GALK2: variants seen among roughly 807,000 people sequenced by gnomAD.
GALK2 encodes the protein galactokinase 2, also known as N-acetylgalactosamine kinase.
A neutral mutation model predicts 52.4 loss-of-function variants in GALK2; 36 were observed. That is an observed-to-expected ratio of 0.69 (90% confidence interval 0.53 to 0.91). GALK2 has a LOEUF of 0.91. Among genes scored for constraint, GALK2 ranks in the 40% least tolerant of loss-of-function variants. The pLI is 0.00. For missense variants in GALK2, 579 were observed against 559.1 expected (o/e 1.04, Z -0.36); for synonymous variants, 176 against 199.1 (o/e 0.88, Z 0.98).
chr15:49,248,605 G>A (rs1246171625), intron 5 of GALK2, among the ~76,000 whole-genome samples: 1 of 152,208 alleles, frequency 6.6e-6, no homozygotes, highest in Non-Finnish European at 1.5e-5. Flanking sequence ...GGTTAATAAT[G>A]TAAATACAAA....
intron 7 of GALK2, among the ~76,000 whole-genome samples, chr15:49,285,276 G>C (rs1362182928): frequency 6.6e-6 from 1 of 151,926 alleles, no homozygotes; most frequent in Non-Finnish European, 1.5e-5. Context: ...CTCTTCCTTA[G>C]GTTTCCAGTA....
intron 5 of GALK2, among the ~76,000 whole-genome samples, chr15:49,257,508 T>C (rs548684135): frequency 6.6e-5 from 10 of 152,336 alleles, no homozygotes; most frequent in African/African-American, 2.4e-4. Flanking sequence ...TTATCCCTGA[T>C]TGTATTCTCC....
At chr15:49,211,754 T>C (rs527337539) in intron 2 of GALK2, among the ~76,000 whole-genome samples, 1 of 152,282 alleles carries the variant, frequency 6.6e-6, no homozygotes, top group Non-Finnish European at 1.5e-5. Context: ...AGTGCTATAC[T>C]CTTTTAAATG....
intron 3 of GALK2, chr15:49,223,219 G>A (rs1322993900): frequency 1.3e-5 from 2 of 151,958 alleles, no homozygotes; most frequent in Admixed American, 6.6e-5. Context: ...TATTTCCATG[G>A]TATCAGTTGT....
At chr15:49,288,463 G>C (rs2033609256) in intron 7 of GALK2, among the ~76,000 whole-genome samples, 2 of 152,162 alleles carry the variant, frequency 1.3e-5, no homozygotes, top group Admixed American at 1.3e-4. Flanking sequence ...TCATTTAGTA[G>C]TTGGTATGAA....
chr15:49,170,065 C>T, upstream of GALK2: 1 of 664,498 alleles, frequency 1.5e-6, no homozygotes, highest in Non-Finnish European at 2.3e-6. Context: ...AGGCCCTAGT[C>T]CCTCCCTGGG....
chr15:49,189,647 G>A (rs965641374), intron 1 of GALK2, among the ~76,000 whole-genome samples: 1 of 152,006 alleles, frequency 6.6e-6, no homozygotes, highest in Non-Finnish European at 1.5e-5. Flanking sequence ...ATGGTTACTT[G>A]AACACAAGCA....
In GALK2 at chr15:49,172,442, C is replaced by T. The variant is rs79891186; in HGVS notation, c.53+2067C>T. On this transcript the variant is annotated intron_variant, in intron 1 of 9. Coordinates refer to ENST00000560031, the MANE Select transcript of GALK2 (RefSeq NM_002044.4). ...TTTTATTTGCAGGAATGTTTTGCAGCCACTTACTCATTCTAGGAGGGATGT... is the reference window on the plus strand; with the variant it reads ...TTTTATTTGCAGGAATGTTTTGCAGTCACTTACTCATTCTAGGAGGGATGT... Among the ~76,000 whole-genome samples the T allele has an allele frequency of 2.0e-5, 3 of 152,130 alleles. 1 individual carries two copies. The highest frequency in any genetic ancestry group is 7.2e-5 in the African/African-American group (3 of 41,408).
intron 3 of GALK2, chr15:49,343,511 C>A (rs1469358824): frequency 6.6e-6 from 1 of 152,144 alleles, no homozygotes; most frequent in Non-Finnish European, 1.5e-5. Flanking sequence ...ACTGTATTTT[C>A]ACTTACATGA....
At chr15:49,320,589 T>C (rs923660026) in intron 9 of GALK2, among the ~76,000 whole-genome samples, 4 of 152,200 alleles carry the variant, frequency 2.6e-5, no homozygotes, top group Non-Finnish European at 5.9e-5. Flanking sequence ...AATGGAAATG[T>C]AATTAACCAC....
intron 2 of GALK2, among the ~76,000 whole-genome samples, chr15:49,210,403 T>G (rs573719136): frequency 4.0e-5 from 6 of 150,334 alleles, no homozygotes; most frequent in Non-Finnish European, 8.8e-5. Flanking sequence ...TCTACCTTTT[T>G]TTTTAGTGGC....
At chr15:49,220,671 A>G (rs988659397) in intron 3 of GALK2, among the ~76,000 whole-genome samples, 4 of 152,110 alleles carry the variant, frequency 2.6e-5, no homozygotes, top group Non-Finnish European at 5.9e-5. Context: ...GTTTTGTATA[A>G]TGGCTGCACT....
chr15:49,305,125 T>C lies in GALK2; in HGVS notation c.967+12588T>C, dbSNP rs548105656. ...TTCCTAATAATTTCTAAATTAGAAA[T>C]TGTATGCTATTTTCTACCTACTGTG... On this transcript the variant is annotated intron_variant, in intron 8 of 9. Transcript: ENST00000560031. Among the ~76,000 whole-genome samples, 19 of 152,350 alleles carry C rather than the reference T, an allele frequency of 1.2e-4. 1 individual carries two copies. The highest frequency in any genetic ancestry group is 4.6e-4 in the African/African-American group (19 of 41,590).
At chr15:49,291,086 G>T (rs1481120107) in intron 7 of GALK2, among the ~76,000 whole-genome samples, 1 of 152,072 alleles carries the variant, frequency 6.6e-6, no homozygotes, top group Non-Finnish European at 1.5e-5. Context: ...CTCCTGAGTA[G>T]CTGGGATGTC....
chr15:49,335,594 AC>A, downstream of GALK2: 2 of 765,362 alleles, frequency 2.6e-6, no homozygotes, highest in Non-Finnish European at 4.5e-6. Context: ...TGTGACCTTC[AC>A]TTTTCAGTAA....
intron 8 of GALK2, among the ~76,000 whole-genome samples, chr15:49,313,277 C>T (rs1296678683): frequency 4.6e-5 from 7 of 152,204 alleles, no homozygotes; most frequent in Non-Finnish European, 7.3e-5. Flanking sequence ...AAGGCATCAC[C>T]GTGGCTGGCT....
chr15:49,310,369 TA>T (rs751269939), intron 8 of GALK2, among the ~76,000 whole-genome samples: 7 of 152,206 alleles, frequency 4.6e-5, no homozygotes, highest in Non-Finnish European at 1.0e-4. Flanking sequence ...AGCCCTTTGA[TA>T]TACTGATTTT....
chr15:49,313,143 C>T (rs1731969041), intron 8 of GALK2, among the ~76,000 whole-genome samples: 1 of 152,218 alleles, frequency 6.6e-6, no homozygotes, highest in Non-Finnish European at 1.5e-5. Context: ...TACTCCTTAG[C>T]TCCAGCCAAC....
At chr15:49,334,575 G>A (rs1353002745), downstream of GALK2, among the ~76,000 whole-genome samples, 2 of 152,098 alleles carry the variant, frequency 1.3e-5, no homozygotes, top group Non-Finnish European at 2.9e-5. Flanking sequence ...TTCCCACTAA[G>A]CACAGGAAGT....
Sources: gnomAD v4.1 joint callset for allele counts (sites outside exome capture counted in the v4.1 genomes callset) on GRCh38, gnomAD v4.1.1 for gene constraint, MANE v1.5 for transcripts, NCBI Gene and HGNC (gene_info 2026-07-23, HGNC 2026-07-21) for gene names.